BOC: variants seen among roughly 807,000 people sequenced by gnomAD.
BOC encodes the protein BOC cell adhesion associated, oncogene regulated, also known as brother of CDO.
BOC carries 76 observed loss-of-function variants against 112.0 expected under a neutral mutation model. That is an observed-to-expected ratio of 0.68 (90% confidence interval 0.56 to 0.82). The LOEUF (loss-of-function observed/expected upper bound fraction) is 0.82. BOC is among the 40% of genes least tolerant of loss of function. The pLI is 0.00. For synonymous variants in BOC, 580 were observed against 599.8 expected, an observed-to-expected ratio of 0.97 and a Z score of 0.48; for missense variants, 1,309 against 1,511.7, an observed-to-expected ratio of 0.87 and a Z score of 2.22.
chr3:113,242,791 G>A (rs1476522604), intron 2 of BOC, among the ~76,000 whole-genome samples: 1 of 152,072 alleles, frequency 6.6e-6, no homozygotes, highest in Non-Finnish European at 1.5e-5. Context: ...CAATCTCAGT[G>A]TCCTACCTTG....
At position 113,236,254 on chromosome 3, in the gene BOC, GTGTGTGTGTGTGTATA is replaced by G. The variant is rs1388972363; in HGVS notation, c.-81-13466_-81-13451del. On this transcript the variant is annotated intron_variant, in intron 2 of 19. Transcript: ENST00000682979. Reference sequence around the variant, plus strand: ...TGTGTGTGTGTGTGTGTGTGTGTGTGTGTGTGTGTGTGTATATATACCCATGGGTATATATATATAT... The same window carrying G: ...TGTGTGTGTGTGTGTGTGTGTGTGTGTATACCCATGGGTATATATATATAT... 4.8e-4 allele frequency among the ~76,000 whole-genome samples: 19 copies of G among 39,482 alleles called. 2 individuals are homozygous for G. The highest frequency in any genetic ancestry group is 9.4e-4 in the African/African-American group (13 of 13,822). 25.9% of individuals were successfully genotyped at this position (39,482 alleles called of 152,430 possible). A position where few individuals can be genotyped will look rare whatever the true frequency, so the allele number is the denominator to read the frequency against.
At position 113,286,876 on chromosome 3, in the gene BOC, T is replaced by G. The variant is rs766093427; in HGVS notation, c.*14T>G. ...CTCACAATTTAGGCAGAAGCTGATA[T>G]CCCAGAAAGACTATATATTGTTTTT... On this transcript the variant is annotated 3_prime_UTR_variant, in exon 20 of 20. Coordinates refer to ENST00000682979, the MANE Select transcript of BOC (RefSeq NM_001378074.1). 1 of 1,541,018 alleles carries G rather than the reference T, an allele frequency of 6.5e-7. No homozygotes were observed. The highest frequency in any genetic ancestry group is 1.8e-4 in the Middle Eastern group (1 of 5,714).
chr3:113,258,458 A>G (rs1946464853), intron 4 of BOC, among the ~76,000 whole-genome samples: 1 of 152,180 alleles, frequency 6.6e-6, no homozygotes, highest in Non-Finnish European at 1.5e-5. Context: ...AAAGAAACTT[A>G]GAGTGTTTTT....
intron 5 of BOC, 56 bp downstream of exon 5, chr3:113,268,501 C>A: frequency 6.5e-7 from 1 of 1,536,200 alleles, no homozygotes; most frequent in East Asian, 2.3e-5. Context: ...AGCTGGCCTC[C>A]TCCAACCGCT....
rs998774925 is a variant in BOC at position 113,273,224 on chromosome 3, C to G, written c.1117C>G (p.Arg373Gly). 26 of 1,613,698 alleles carry G rather than the reference C, an allele frequency of 1.6e-5. No individual in the cohort carries two copies. The highest frequency in any genetic ancestry group is 2.2e-5 in the Non-Finnish European group (26 of 1,180,018). ...CTCCAGCCAGCGCCTCCGGCTCTCC[C>G]GCAGGGCCCTGCGCGTGCTCAGCAT... is the stretch of plus-strand genomic sequence containing the variant. ...LISSQRLRLS[R>G]RALRVLSMGP... is the part of the protein sequence containing the mutation. Residue 373 changes from arginine (R) to glycine (G), a missense_variant, in exon 8 of 20, where the codon CGC becomes GGC. Transcript: ENST00000682979.
chr3:113,212,205 C>T (rs1938290913), intron 1 of BOC, 189 bp downstream of exon 1: 2 of 150,722 alleles, frequency 1.3e-5, no homozygotes, highest in South Asian at 2.1e-4. Flanking sequence ...GAGCTGCGGC[C>T]GAGGCTGGGC....
In BOC at chr3:113,286,836, T is replaced by C. The variant is rs953511480; in HGVS notation, c.3322T>C (p.Phe1108Leu). The C allele has an allele frequency of 2.5e-6, 4 of 1,598,588 alleles. No homozygotes were observed. Among genetic ancestry groups the C allele is most frequent in the South Asian group, 2.3e-5 (2 of 88,056 alleles). Residue 1108 changes from phenylalanine (F) to leucine (L), a missense_variant, in exon 20 of 20, where the codon TTT (phenylalanine) becomes CTT (leucine). Physicochemically the swap from Phe to Leu is conservative, Grantham distance 22. Transcript: ENST00000682979. ...CCCGGGGCCACTGGTGCGTGTGTCT[T>C]TTGAAACACCACCTCTCACAATTTA... is the stretch of plus-strand genomic sequence containing the variant. ...LSPGPLVRVS[F>L]ETPPLTI
Position 113,280,087 on chromosome 3 carries a change from C to T in BOC, c.2205+82C>T, listed in dbSNP as rs1020970664. The T allele has an allele frequency of 2.2e-6, 3 of 1,381,594 alleles. No individual in the cohort carries two copies. In the African/African-American group the frequency reaches 4.4e-5, roughly 20 times the overall value. The allele number at this position is 1,381,594 out of a possible 1,614,324, so 85.6% of individuals were successfully genotyped here. On this transcript the variant is annotated intron_variant, in intron 13 of 19. Transcript: ENST00000682979. Reference sequence around the variant, plus strand: ...CCTGTGAGCCTGGGGATTAGACTCCCCCGAACAGGGCACCTGAAAGCTTCA... The same window carrying T: ...CCTGTGAGCCTGGGGATTAGACTCCTCCGAACAGGGCACCTGAAAGCTTCA...
rs1948942566 is a variant in BOC, at chr3:113,279,131, G to A, written c.1817-118G>A. 4 of 1,036,116 alleles carry A rather than the reference G, an allele frequency of 3.9e-6. No individual in the cohort carries two copies. The Admixed American group carries it at 8.7e-5, about 22-fold the overall frequency. 64.2% of individuals were successfully genotyped at this position (1,036,116 alleles called of 1,614,324 possible). A position where few individuals can be genotyped will look rare whatever the true frequency, so the allele number is the denominator to read the frequency against. On this transcript the variant is annotated intron_variant, in intron 11 of 19. Transcript: ENST00000682979. ...ACCAGTGGGTGGAGGGCTGTGGGGA[G>A]GAGCGGGCCCGTCAGGAGCAGGCCA...
intron 14 of BOC, 125 bp downstream of exon 14, chr3:113,280,788 G>A (rs1949119724): frequency 3.3e-6 from 3 of 902,738 alleles, no homozygotes; most frequent in Non-Finnish European, 5.3e-6. Flanking sequence ...GAAGCTCTAA[G>A]CTCCGTGTCA....
chr3:113,213,628 T>C (rs564279585), intron 1 of BOC, among the ~76,000 whole-genome samples: 51 of 152,200 alleles, frequency 3.4e-4, no homozygotes, highest in African/African-American at 1.1e-3. Context: ...GGTTAGCCAT[T>C]TTGAGGTGTG....
intron 4 of BOC, among the ~76,000 whole-genome samples, chr3:113,256,573 C>A (rs1185018370): frequency 6.6e-6 from 1 of 152,182 alleles, no homozygotes; most frequent in African/African-American, 2.4e-5. Flanking sequence ...TCTCTTTGCT[C>A]AGCTCCCCTA....
At chr3:113,253,067 T>C (rs190373390) in intron 4 of BOC, among the ~76,000 whole-genome samples, 13 of 152,318 alleles carry the variant, frequency 8.5e-5, no homozygotes, top group African/African-American at 2.6e-4. Flanking sequence ...TTAGGATATA[T>C]ATAAAATAAT....
intron 2 of BOC, among the ~76,000 whole-genome samples, chr3:113,236,656 T>C (rs1292105021): frequency 2.0e-5 from 3 of 152,046 alleles, no homozygotes; most frequent in East Asian, 1.9e-4. Flanking sequence ...ACTGCACTTA[T>C]ACCCCCAAAT....
intron 2 of BOC, among the ~76,000 whole-genome samples, chr3:113,241,780 C>T (rs1377359426): frequency 2.0e-5 from 3 of 152,180 alleles, no homozygotes; most frequent in African/African-American, 7.2e-5. Context: ...GCCCCAGGGC[C>T]GCATTGAAGG....
At position 113,260,717 on chromosome 3, in the gene BOC, CAGAA is replaced by C. The variant is rs760803700; in HGVS notation, c.377-7577_377-7574del. ...CAGAACAGAACAGAACAGAACAGAA[CAGAA>C]AGAACAGAACAGAACAGAACAGAAC... On this transcript the variant is annotated intron_variant, in intron 4 of 19. Coordinates refer to ENST00000682979, the MANE Select transcript of BOC (RefSeq NM_001378074.1). Among the ~76,000 whole-genome samples the C allele has an allele frequency of 2.1e-3, 174 of 84,534 alleles. 1 individual carries two copies. The highest frequency in any genetic ancestry group is 3.0e-3 in the African/African-American group (73 of 24,058). The allele number at this position is 84,534 out of a possible 152,430, so 55.5% of individuals were successfully genotyped here.
At chr3:113,216,934 A>G (rs1292861908) in intron 2 of BOC, among the ~76,000 whole-genome samples, 1 of 152,188 alleles carries the variant, frequency 6.6e-6, no homozygotes, top group Admixed American at 6.5e-5. Flanking sequence ...GGTAGGGTTG[A>G]AGAAAAATTA....
intron 15 of BOC, among the ~76,000 whole-genome samples, chr3:113,282,708 G>T (rs1237056891): frequency 6.6e-6 from 1 of 152,072 alleles, no homozygotes; most frequent in South Asian, 2.1e-4. Flanking sequence ...GAGGAACCAG[G>T]AAGGCCTCCC....
At chr3:113,275,444 C>T (rs1050804676) in intron 9 of BOC, among the ~76,000 whole-genome samples, 6 of 152,202 alleles carry the variant, frequency 3.9e-5, no homozygotes, top group Non-Finnish European at 7.3e-5. Flanking sequence ...CGCTCAAGGC[C>T]GTGCTCTTAC....
Sources: gnomAD v4.1 joint callset for allele counts (sites outside exome capture counted in the v4.1 genomes callset) on GRCh38, gnomAD v4.1.1 for gene constraint, MANE v1.5 for transcripts, NCBI Gene and HGNC (gene_info 2026-07-23, HGNC 2026-07-21) for gene names.